Variants in SNTG2 observed in about 807,000 individuals in gnomAD.
SNTG2 encodes gamma-2-syntrophin.
A neutral mutation model predicts 70.9 loss-of-function variants in SNTG2; 74 were observed. That is an observed-to-expected ratio of 1.04 (90% CI 0.86 to 1.27). The LOEUF is 1.27. Ranked by LOEUF, SNTG2 falls within the 50% of genes most tolerant of loss-of-function variation. SNTG2 has a pLI of 0.00. For missense variants in SNTG2, 717 were observed against 690.7 expected (o/e 1.04, Z -0.43); for synonymous variants, 278 against 273.8 (o/e 1.02, Z -0.15).
intron 9 of SNTG2, among the ~76,000 whole-genome samples, chr2:1,232,969 C>T (rs1676361655): frequency 6.6e-6 from 1 of 152,236 alleles, no homozygotes; most frequent in African/African-American, 2.4e-5. Context: ...CACCTTTCCT[C>T]TCTGTTACCA....
intron 8 of SNTG2, among the ~76,000 whole-genome samples, chr2:1,204,651 G>A (rs992192391): frequency 1.3e-5 from 2 of 152,188 alleles, no homozygotes; most frequent in African/African-American, 4.8e-5. Flanking sequence ...GCTCTTTATA[G>A]AGAGACCACA....
At chr2:1,115,783 A>G (rs1198739986) in intron 4 of SNTG2, among the ~76,000 whole-genome samples, 1 of 152,252 alleles carries the variant, frequency 6.6e-6, no homozygotes, top group African/African-American at 2.4e-5. Context: ...TTTAACCCTT[A>G]CAGTCCTTTG....
At chr2:958,236 G>A (rs1317900801) in intron 1 of SNTG2, among the ~76,000 whole-genome samples, 4 of 152,142 alleles carry the variant, frequency 2.6e-5, no homozygotes, top group Admixed American at 6.5e-5. Context: ...CCCCAAATGC[G>A]TTTCCTTTAA....
intron 6 of SNTG2, chr2:1,161,321 A>G (rs1021787832): frequency 6.6e-6 from 1 of 152,168 alleles, no homozygotes; most frequent in Non-Finnish European, 1.5e-5. Context: ...AATTTAAACA[A>G]TGGCAAATAC....
chr2:1,069,713 C>A (rs1195332442), intron 1 of SNTG2, among the ~76,000 whole-genome samples: 1 of 152,158 alleles, frequency 6.6e-6, no homozygotes, highest in Non-Finnish European at 1.5e-5. Context: ...ATCGCTTGAA[C>A]CCAGGAGGCA....
At chr2:1,287,632 G>A (rs989995075) in intron 14 of SNTG2, among the ~76,000 whole-genome samples, 2 of 152,202 alleles carry the variant, frequency 1.3e-5, no homozygotes, top group Non-Finnish European at 1.5e-5. Flanking sequence ...TGATGGTGAC[G>A]CTGAACGAGG....
chr2:1,116,481 G>A lies in SNTG2; in HGVS notation c.325+18071G>A, dbSNP rs540050417. On this transcript the variant is annotated intron_variant, in intron 4 of 16. Coordinates refer to ENST00000308624, the MANE Select transcript of SNTG2 (RefSeq NM_018968.4). ...GGGTGCTCTGGTGTGTGGGTGCTTC[G>A]GTGTATGGGTGCCCTGGTGTGTGTG... Among the ~76,000 whole-genome samples the A allele has an allele frequency of 1.1e-3, 164 of 150,702 alleles. 3 individuals carry two copies. Among genetic ancestry groups the A allele is most frequent in the African/African-American group, 3.7e-3 (153 of 41,026 alleles).
At chr2:1,304,454 C>T (rs1475783462) in intron 14 of SNTG2, among the ~76,000 whole-genome samples, 1 of 152,098 alleles carries the variant, frequency 6.6e-6, no homozygotes, top group Non-Finnish European at 1.5e-5. Flanking sequence ...TTGGCCGGTG[C>T]GGTGGCTCAT....
At chr2:1,078,276 G>A (rs1019410344) in intron 1 of SNTG2, among the ~76,000 whole-genome samples, 5 of 152,200 alleles carry the variant, frequency 3.3e-5, no homozygotes, top group Non-Finnish European at 7.3e-5. Context: ...GTTGTCAAGC[G>A]GCACATGGGT....
chr2:1,186,332 C>A (rs527972252), intron 8 of SNTG2, among the ~76,000 whole-genome samples: 39 of 152,324 alleles, frequency 2.6e-4, no homozygotes, highest in African/African-American at 9.1e-4. Flanking sequence ...TTCTGCTGAG[C>A]CCTCCAAACT....
chr2:1,286,760 C>T (rs1679782652), intron 14 of SNTG2, among the ~76,000 whole-genome samples: 1 of 152,200 alleles, frequency 6.6e-6, no homozygotes, highest in Non-Finnish European at 1.5e-5. Flanking sequence ...ATATTGAGGG[C>T]TCAGTGTTGG....
chr2:1,045,849 T>G (rs1572289871), intron 1 of SNTG2, among the ~76,000 whole-genome samples: 1 of 152,200 alleles, frequency 6.6e-6, no homozygotes, highest in Admixed American at 6.5e-5. Context: ...TGTATTTTTC[T>G]TGTTGTGTGA....
intron 4 of SNTG2, among the ~76,000 whole-genome samples, chr2:1,101,453 G>A (rs1412565918): frequency 6.6e-6 from 1 of 152,156 alleles, no homozygotes; most frequent in African/African-American, 2.4e-5. Flanking sequence ...AATGAATTGG[G>A]AGTTTTTAGG....
intron 1 of SNTG2, among the ~76,000 whole-genome samples, chr2:1,017,690 A>T (rs1408021997): frequency 6.6e-6 from 1 of 152,238 alleles, no homozygotes; most frequent in East Asian, 1.9e-4. Context: ...CGTATACATA[A>T]ATTTTAAAAA....
chr2:1,135,473 A>C lies in SNTG2; in HGVS notation c.326-2149A>C, dbSNP rs539404073. 7.9e-5 allele frequency among the ~76,000 whole-genome samples: 12 copies of C among 152,314 alleles called. No homozygotes were observed. In the South Asian group the frequency reaches 2.5e-3, roughly 32 times the overall value. On this transcript the variant is annotated intron_variant, in intron 4 of 16. Transcript: ENST00000308624. ...GGTGGCTCACGCCTGTAATCCCAGCACTTTGGGAGGCCGAGGCGGGCAGAT... is the reference window on the plus strand; with the variant it reads ...GGTGGCTCACGCCTGTAATCCCAGCCCTTTGGGAGGCCGAGGCGGGCAGAT...
chr2:962,735 T>C (rs1414229139), intron 1 of SNTG2, among the ~76,000 whole-genome samples: 2 of 152,176 alleles, frequency 1.3e-5, no homozygotes, highest in African/African-American at 4.8e-5. Flanking sequence ...TGAAGCCACA[T>C]AAAACCAAGA....
At chr2:1,366,076 A>G (rs1435195328) in intron 16 of SNTG2, among the ~76,000 whole-genome samples, 9 of 152,074 alleles carry the variant, frequency 5.9e-5, no homozygotes, top group Non-Finnish European at 7.3e-5. Flanking sequence ...CTTGAAAATG[A>G]TTTATCTTTC....
At chr2:1,217,509 C>T (rs1674472524) in intron 9 of SNTG2, among the ~76,000 whole-genome samples, 1 of 152,200 alleles carries the variant, frequency 6.6e-6, no homozygotes, top group South Asian at 2.1e-4. Context: ...GCAGATGCCA[C>T]AGAGTGGGGC....
At chr2:1,253,216 A>C (rs1677864908) in intron 12 of SNTG2, among the ~76,000 whole-genome samples, 1 of 152,064 alleles carries the variant, frequency 6.6e-6, no homozygotes, top group South Asian at 2.1e-4. Context: ...GATGCTCAGC[A>C]CCCACCCACC....
Sources: allele counts gnomAD v4.1 joint callset (sites outside exome capture counted in the v4.1 genomes callset), GRCh38; gene constraint gnomAD v4.1.1; transcripts MANE v1.5; gene names NCBI Gene and HGNC (gene_info 2026-07-23, HGNC 2026-07-21).